Variants in BTNL2 observed in about 807,000 individuals in gnomAD.
BTNL2 encodes butyrophilin like 2.
A neutral mutation model predicts 46.8 loss-of-function variants in BTNL2; 46 were observed. The ratio of observed to expected loss-of-function variants is 0.98; its 90% CI spans 0.78 to 1.26. BTNL2 has a LOEUF of 1.26. Ranked by LOEUF, BTNL2 falls within the 50% of genes most tolerant of loss-of-function variation. The probability of loss-of-function intolerance (pLI) is 0.00; values close to 1 mark genes in which losing one functional copy is unlikely to be tolerated. For missense variants in BTNL2, 461 were observed against 592.6 expected (o/e 0.78, Z 2.31); for synonymous variants, 226 against 229.1 (o/e 0.99, Z 0.12).
rs760675404 is a variant in BTNL2, at chr6:32,402,974, C to T, written c.670G>A (p.Val224Ile). 31 of 1,612,898 alleles carry T rather than the reference C, an allele frequency of 1.9e-5. No individual in the cohort carries two copies. Among genetic ancestry groups the T allele is most frequent in the Admixed American group, 1.0e-4 (6 of 59,986 alleles). The change falls in exon 3 of 8, where the codon GTC becomes ATC. Residue 224 changes from valine (V) to isoleucine (I), a missense_variant. Transcript: ENST00000454136. ...ESVSCLVHNP[V>I]LTEEKGSVIS... The stretch of plus-strand genomic sequence containing the variant: ...ACCGACCCCTTCTCCTCAGTGAGGA[C>T]GGGGTTGTGGACCAAGCAGGACACA...
chr6:32,397,714 C>T (rs117510940), intron 4 of BTNL2, among the ~76,000 whole-genome samples: 2,536 of 149,522 alleles, frequency 0.017, 78 homozygotes, highest in South Asian at 0.1. Context: ...GACCCTGCAG[C>T]GTGAGCAGAG....
intron 4 of BTNL2, among the ~76,000 whole-genome samples, chr6:32,398,794 C>T (rs1443030246): frequency 1.3e-5 from 2 of 152,200 alleles, no homozygotes; most frequent in East Asian, 3.8e-4. Context: ...ACAGACAAAA[C>T]TCCTTTTGTC....
chr6:32,402,123 C>T (rs117724227), intron 3 of BTNL2, among the ~76,000 whole-genome samples: 1 of 151,988 alleles, frequency 6.6e-6, no homozygotes, highest in African/African-American at 2.4e-5. Context: ...ACAGAAAGTA[C>T]AAAATTATAT....
chr6:32,396,922 G>C lies in BTNL2; in HGVS notation c.731-536C>G, dbSNP rs1214497144. 6.6e-6 allele frequency among the ~76,000 whole-genome samples: 1 copy of C among 152,110 alleles called. No homozygotes were observed. The highest frequency in any genetic ancestry group is 2.0e-4 in the East Asian group (1 of 5,124). On this transcript the variant is annotated intron_variant, in intron 4 of 7. Transcript: ENST00000454136. This position sits in a 1 kb window ranked among gnomAD's most constrained non-coding sequence, Gnocchi z 4.4. The stretch of plus-strand genomic sequence containing the variant: ...TCGAACCCGGGAGGCAGAGGTTGCA[G>C]TGAGCTGAGATCATGCCACTGCACT...
rs770369930 is a variant in BTNL2, at chr6:32,405,352, G to A, written c.80-66C>T. ...CAGAAAATCATATGCATGCTTTGGG[G>A]TGTCCAGCCTGTCAAAATGGAGGCA... is the stretch of plus-strand genomic sequence containing the variant. On this transcript the variant is annotated intron_variant, in intron 1 of 7. Coordinates refer to ENST00000454136, the MANE Select transcript of BTNL2 (RefSeq NM_001304561.2). 4.8e-6 allele frequency: 7 copies of A among 1,473,576 alleles called. No homozygotes were observed. In the African/African-American group the frequency reaches 9.7e-5, roughly 21 times the overall value. The allele number at this position is 1,473,576 out of a possible 1,614,324, so 91.3% of individuals were successfully genotyped here. A position where few individuals can be genotyped will look rare whatever the true frequency, so the allele number is the denominator to read the frequency against.
chr6:32,403,313 G>A (rs1026955223), intron 2 of BTNL2, 97 bp from the exon 3 acceptor site: 12 of 1,343,900 alleles, frequency 8.9e-6, no homozygotes, highest in Non-Finnish European at 1.1e-5. Flanking sequence ...GGAGGTGGCC[G>A]GAGTTCAGGA....
intron 3 of BTNL2, 32 bp downstream of exon 3, chr6:32,402,903 G>C (rs758526011): frequency 1.9e-6 from 3 of 1,605,628 alleles, no homozygotes; most frequent in Non-Finnish European, 2.6e-6. Context: ...CTGCTGATCT[G>C]AGCATGTGGG....
chr6:32,398,236 T>G (rs1454322422), intron 4 of BTNL2, among the ~76,000 whole-genome samples: 2 of 152,244 alleles, frequency 1.3e-5, no homozygotes, highest in African/African-American at 4.8e-5. Flanking sequence ...TGATCATTTA[T>G]AATAGAAACA....
intron 1 of BTNL2, among the ~76,000 whole-genome samples, chr6:32,405,781 T>C (rs959940449): frequency 4.6e-5 from 7 of 151,946 alleles, no homozygotes; most frequent in Admixed American, 6.6e-5. Flanking sequence ...CCTTTCAGGA[T>C]TCCTCTTCTC....
intron 4 of BTNL2, among the ~76,000 whole-genome samples, chr6:32,397,462 G>A (rs932822823): frequency 3.9e-5 from 6 of 152,126 alleles, no homozygotes; most frequent in African/African-American, 1.2e-4. Context: ...CTCTGAAACC[G>A]TTCTGATTCT....
intron 1 of BTNL2, among the ~76,000 whole-genome samples, chr6:32,405,815 T>TG (rs9281776): frequency 0.26 from 36,095 of 136,758 alleles, 4,515 homozygotes; most frequent in Admixed American, 0.33. Context: ...CTGTTTTTTT[T>TG]TTGTTTTTTT....
At position 32,394,991 on chromosome 6, in the gene BTNL2, C is replaced by T; in HGVS notation, c.1113G>A (p.Gly371=). 1 of 1,610,216 alleles carries T rather than the reference C, an allele frequency of 6.2e-7. No homozygotes were observed. The highest frequency in any genetic ancestry group is 8.5e-7 in the Non-Finnish European group (1 of 1,177,712). Residue 371 remains glycine, a synonymous_variant, in exon 6 of 8, where the codon GGG becomes GGA. Coordinates refer to ENST00000454136, the MANE Select transcript of BTNL2 (RefSeq NM_001304561.2). This position sits in a 1 kb window ranked among gnomAD's most constrained non-coding sequence, Gnocchi z 4.6. ...LGSSPLITVE[G]QEDGEMQPMC... is the part of the protein sequence containing the mutation. ...TCGGCTGCATTTCTCCATCTTCTTG[C>T]CCCTCCACAGTGATCAGTGGGGAAG...
chr6:32,401,481 T>C (rs117439470), intron 4 of BTNL2, among the ~76,000 whole-genome samples: 2,654 of 152,164 alleles, frequency 0.017, 77 homozygotes, highest in East Asian at 0.11. Context: ...CCCCCACACA[T>C]TCTGAGGCAG....
At chr6:32,404,278 T>C (rs927990067) in intron 2 of BTNL2, among the ~76,000 whole-genome samples, 2 of 152,218 alleles carry the variant, frequency 1.3e-5, no homozygotes, top group Admixed American at 6.5e-5. Flanking sequence ...CAGGGAATCA[T>C]ATGATAGTTT....
Position 32,399,462 on chromosome 6 carries a change from C to G in BTNL2, c.730+2323G>C, listed in dbSNP as rs117802367. 0.018 allele frequency among the ~76,000 whole-genome samples: 2,670 copies of G among 152,288 alleles called. 78 individuals are homozygous for G. The highest frequency in any genetic ancestry group is 0.11 in the East Asian group (570 of 5,186). ...AAATATGCTAAGTTATATCTAATCTCTTAGAACTGGACACTACATTAGAGA... is the reference window on the plus strand; with the variant it reads ...AAATATGCTAAGTTATATCTAATCTGTTAGAACTGGACACTACATTAGAGA... On this transcript the variant is annotated intron_variant, in intron 4 of 7. Coordinates refer to ENST00000454136, the MANE Select transcript of BTNL2 (RefSeq NM_001304561.2). This position sits in a 1 kb window ranked among gnomAD's most constrained non-coding sequence, Gnocchi z 5.2.
At chr6:32,401,585 G>A (rs1442879107) in intron 4 of BTNL2, among the ~76,000 whole-genome samples, 200 bp downstream of exon 4, 4 of 152,186 alleles carry the variant, frequency 2.6e-5, no homozygotes, top group South Asian at 2.1e-4. Flanking sequence ...AGCCCCCAAA[G>A]TGTCAGGTAA....
intron 4 of BTNL2, among the ~76,000 whole-genome samples, chr6:32,401,207 CAAAAAAAAAAAAAAAAAAAAAAA>C (rs9279632): frequency 5.1e-4 from 20 of 38,920 alleles, no homozygotes; most frequent in African/African-American, 2.5e-3. Context: ...GACTCCGTCT[CAAAAAAAAAAAAAAAAAAAAAAA>C]AAAAAAAAAA....
chr6:32,398,447 C>T lies in BTNL2; in HGVS notation c.731-2061G>A, dbSNP rs139776498. ...TTTCCAGCATTTTGTTTGCTTTGTC[C>T]TGTAATTTTACCTAAAACAATATTA... On this transcript the variant is annotated intron_variant, in intron 4 of 7. Transcript: ENST00000454136. Among the ~76,000 whole-genome samples, 777 of 152,256 alleles carry T rather than the reference C, an allele frequency of 5.1e-3. 9 individuals carry two copies. Among genetic ancestry groups the T allele is most frequent in the Non-Finnish European group, 5.0e-3 (342 of 68,024 alleles).
intron 1 of BTNL2, 49 bp from the exon 2 acceptor site, chr6:32,405,335 C>A: frequency 6.4e-7 from 1 of 1,559,178 alleles, no homozygotes; most frequent in South Asian, 1.1e-5. Context: ...ATCAGAAAAT[C>A]ATATGCATGC....
Sources: allele counts gnomAD v4.1 joint callset (sites outside exome capture counted in the v4.1 genomes callset), GRCh38; gene constraint gnomAD v4.1.1; non-coding constraint Gnocchi (gnomAD v3.1); transcripts MANE v1.5; gene names NCBI Gene and HGNC (gene_info 2026-07-23, HGNC 2026-07-21).